Variants in OOSP3 observed in about 807,000 individuals in gnomAD.
OOSP3 encodes the protein oocyte secreted protein family member 3.
intron 2 of OOSP3, among the ~76,000 whole-genome samples, chr11:59,886,981 G>C (rs552987604): frequency 6.6e-5 from 10 of 152,022 alleles, no homozygotes; most frequent in Non-Finnish European, 1.3e-4. Flanking sequence ...TTTTAGTAGA[G>C]ACTGGGTTTC....
At chr11:59,886,792 T>C (rs1049401067) in intron 2 of OOSP3, among the ~76,000 whole-genome samples, 4 of 113,756 alleles carry the variant, frequency 3.5e-5, no homozygotes, top group African/African-American at 1.4e-4. Context: ...ATTTGCCCAC[T>C]TTTTTTTTTT....
At chr11:59,892,251 G>A (rs1471599993) in intron 2 of OOSP3, among the ~76,000 whole-genome samples, 4 of 152,100 alleles carry the variant, frequency 2.6e-5, no homozygotes, top group African/African-American at 4.8e-5. Context: ...ATCTCTCACC[G>A]CCTCCCTTGA....
intron 2 of OOSP3, among the ~76,000 whole-genome samples, chr11:59,888,233 A>C (rs192476792): frequency 7.2e-5 from 11 of 152,354 alleles, no homozygotes; most frequent in Non-Finnish European, 1.5e-4. Flanking sequence ...ATATAGGATC[A>C]CATCATCTGC....
intron 2 of OOSP3, among the ~76,000 whole-genome samples, chr11:59,888,259 G>A (rs1853280405): frequency 6.6e-6 from 1 of 152,130 alleles, no homozygotes; most frequent in Non-Finnish European, 1.5e-5. Context: ...AAGACAATTT[G>A]ACTTTCTCTC....
chr11:59,893,344 C>T (rs936824209), intron 2 of OOSP3, among the ~76,000 whole-genome samples: 6 of 152,052 alleles, frequency 3.9e-5, no homozygotes, highest in African/African-American at 1.4e-4. Context: ...AAATCTTTGA[C>T]CATAACTGTA....
intron 2 of OOSP3, among the ~76,000 whole-genome samples, chr11:59,886,946 A>G (rs1283213442): frequency 1.3e-5 from 2 of 151,886 alleles, no homozygotes; most frequent in Non-Finnish European, 2.9e-5. Flanking sequence ...GTGTGCCACC[A>G]TGCCCGGCTA....
At chr11:59,892,792 C>G (rs1853324361) in intron 2 of OOSP3, among the ~76,000 whole-genome samples, 1 of 152,062 alleles carries the variant, frequency 6.6e-6, no homozygotes, top group Non-Finnish European at 1.5e-5. Context: ...TGTTGACTTT[C>G]ATAGATACTG....
Position 59,883,326 on chromosome 11 carries a change from C to T in OOSP3, c.252+2887C>T, listed in dbSNP as rs533969. Among the ~76,000 whole-genome samples, 1,024 of 152,246 alleles carry T rather than the reference C, an allele frequency of 6.7e-3. 12 individuals carry two copies. The highest frequency in any genetic ancestry group is 0.023 in the African/African-American group (948 of 41,534). On this transcript the variant is annotated intron_variant, in intron 2 of 4. Coordinates refer to ENST00000646438, the Ensembl canonical transcript of OOSP3. ...ACAGGATCAAAACAAAACACTGAAA[C>T]GCCAGAGTTGTTTAAAATGATTAGA...
chr11:59,884,705 T>C (rs1853236774), intron 2 of OOSP3, among the ~76,000 whole-genome samples: 1 of 152,182 alleles, frequency 6.6e-6, no homozygotes, highest in Admixed American at 6.5e-5. Context: ...GATTTCATCA[T>C]GTTGGGCAGG....
chr11:59,891,065 C>T (rs1265534697), intron 2 of OOSP3, among the ~76,000 whole-genome samples: 1 of 152,120 alleles, frequency 6.6e-6, no homozygotes, highest in Non-Finnish European at 1.5e-5. Flanking sequence ...TTGGCCAATT[C>T]AGCTATTGAT....
rs201812166 is a variant in OOSP3 at position 59,883,257 on chromosome 11, GTTTC to G, written c.252+2826_252+2829del. On this transcript the variant is annotated intron_variant, in intron 2 of 4. Transcript: ENST00000646438. Reference sequence around the variant, plus strand: ...GAACAACTCTTTATTCTATTGTTTGGTTTCTTTCTTTACCACTCACCTAAAATAC... The same window carrying G: ...GAACAACTCTTTATTCTATTGTTTGGTTTCTTTACCACTCACCTAAAATAC... Among the ~76,000 whole-genome samples, 165 of 152,104 alleles carry G rather than the reference GTTTC, an allele frequency of 1.1e-3. 1 individual carries two copies. The East Asian group carries it at 0.02, about 19-fold the overall frequency.
intron 2 of OOSP3, among the ~76,000 whole-genome samples, chr11:59,885,227 C>G (rs1321861839): frequency 6.6e-6 from 1 of 152,252 alleles, no homozygotes; most frequent in Middle Eastern, 3.4e-3. Context: ...CCCATTTAGT[C>G]ATACTGCTTA....
At position 59,886,362 on chromosome 11, in the gene OOSP3, C is replaced by T. The variant is rs551190186; in HGVS notation, c.252+5923C>T. Among the ~76,000 whole-genome samples the T allele has an allele frequency of 5.9e-5, 9 of 152,278 alleles. No individual in the cohort carries two copies. The South Asian group carries it at 6.2e-4, about 11-fold the overall frequency. On this transcript the variant is annotated intron_variant, in intron 2 of 4. Coordinates refer to ENST00000646438, the Ensembl canonical transcript of OOSP3. ...TAGTGCTGCAATGAACATACACGTGCGTGAATCCTTGTAATAGAATTTATA... is the reference window on the plus strand; with the variant it reads ...TAGTGCTGCAATGAACATACACGTGTGTGAATCCTTGTAATAGAATTTATA...
chr11:59,885,088 T>C (rs1041918223), intron 2 of OOSP3, among the ~76,000 whole-genome samples: 1 of 152,194 alleles, frequency 6.6e-6, no homozygotes. Flanking sequence ...TAAATGGTAT[T>C]TAATTTTATA....
exon 4 of OOSP3, chr11:59,895,540 A>G (rs1334390318): frequency 5.0e-6 from 2 of 398,306 alleles, no homozygotes; most frequent in Non-Finnish European, 8.9e-6. Context: ...ATCCATAACA[A>G]TCTTACAGAA....
chr11:59,884,488 T>TCTCTCTCTCC (rs1853234518), intron 2 of OOSP3, among the ~76,000 whole-genome samples: 1 of 135,020 alleles, frequency 7.4e-6, no homozygotes, highest in Admixed American at 7.2e-5. Context: ...TCTCTCTCTC[T>TCTCTCTCTCC]CTCTCTCTCT....
intron 2 of OOSP3, among the ~76,000 whole-genome samples, chr11:59,887,681 G>A (rs1041678826): frequency 6.6e-6 from 1 of 152,200 alleles, no homozygotes. Flanking sequence ...CCAGTACCAT[G>A]CTGTTTTGAT....
chr11:59,880,400 G>A, exon 2 of OOSP3: 1 of 398,538 alleles, frequency 2.5e-6, no homozygotes, highest in Non-Finnish European at 4.4e-6. Flanking sequence ...AGGGATATGA[G>A]TTTAATTACC....
chr11:59,893,559 A>C (rs1341632211), intron 2 of OOSP3, among the ~76,000 whole-genome samples: 1 of 152,060 alleles, frequency 6.6e-6, no homozygotes, highest in Non-Finnish European at 1.5e-5. Flanking sequence ...ATCTTGCTAT[A>C]TTGCCCAGGC....
Sources: gnomAD v4.1 joint callset for allele counts (sites outside exome capture counted in the v4.1 genomes callset) on GRCh38, gnomAD v4.1.1 for gene constraint, MANE v1.5 for transcripts, NCBI Gene and HGNC (gene_info 2026-07-23, HGNC 2026-07-21) for gene names.